Variants in WNT7B observed in about 807,000 individuals in gnomAD.
The protein encoded by WNT7B is protein Wnt-7b.
In WNT7B, 19 loss-of-function variants were observed where a neutral mutation model predicts 38.2. The observed-to-expected ratio is 0.50, with a 90% CI of 0.35 to 0.73. The LOEUF is 0.73. Ranked by LOEUF, WNT7B falls within the 30% of genes least tolerant of loss-of-function variation. The pLI is 0.01. For missense variants in WNT7B, 423 were observed against 507.9 expected (o/e 0.83, Z 1.61); for synonymous variants, 243 against 209.3 (o/e 1.16, Z -1.39).
intron 1 of WNT7B, among the ~76,000 whole-genome samples, chr22:45,954,074 C>T (rs1335311219): frequency 2.0e-5 from 3 of 152,120 alleles, no homozygotes; most frequent in Non-Finnish European, 4.4e-5. Context: ...CATTATGTGG[C>T]CATAAAAACG....
At position 45,976,729 on chromosome 22, in the gene WNT7B, A is replaced by C; in HGVS notation, c.26T>G (p.Ile9Ser). 1 of 1,609,526 alleles carries C rather than the reference A, an allele frequency of 6.2e-7. No individual in the cohort carries two copies. Among genetic ancestry groups the C allele is most frequent in the Non-Finnish European group, 8.5e-7 (1 of 1,177,454 alleles). The change falls in exon 1 of 4, where the codon ATT (isoleucine) becomes AGT (serine). Residue 9 changes from isoleucine (I) to serine (S), a missense_variant. By Grantham distance (142) the Ile-to-Ser change is moderately radical. Around this residue, in one of 3 missense-constraint regions of WNT7B, gnomAD observed 133 missense variants for 179.8 expected, o/e 0.74. Transcript: ENST00000339464. The surrounding 1 kb of genome is among the most constrained non-coding windows in gnomAD (Gnocchi z 8.5). MHRNFRKW[I>S]FYVFLCFGVL... ...GCCAAAGCAGAGAAACACGTAGAAA[A>C]TCCACTTGCGAAAGTTTCTGTGCAT...
intron 2 of WNT7B, among the ~76,000 whole-genome samples, chr22:45,941,411 TGAGCCAGCA>T (rs34228368): frequency 0.023 from 3,513 of 150,670 alleles, 159 homozygotes; most frequent in African/African-American, 0.083. Context: ...CTCGGGAAGC[TGAGCCAGCA>T]GAATCACTTG....
At chr22:45,933,570 G>T (rs559120797) in intron 2 of WNT7B, among the ~76,000 whole-genome samples, 5 of 152,226 alleles carry the variant, frequency 3.3e-5, no homozygotes, top group South Asian at 2.1e-4. Flanking sequence ...GGGGTAGGGG[G>T]AGGGGGCAAT....
intron 1 of WNT7B, chr22:45,972,188 T>C: frequency 1.6e-6 from 1 of 618,332 alleles, no homozygotes; most frequent in Non-Finnish European, 3.0e-6. Context: ...GAGAAAGATC[T>C]GCGGGCAATA....
chr22:45,930,964 C>A, intron 3 of WNT7B, 134 bp downstream of exon 3: 2 of 1,272,808 alleles, frequency 1.6e-6, no homozygotes, highest in Non-Finnish European at 2.1e-6. Context: ...GTGGAGGACC[C>A]AGACGGCCCC....
At chr22:45,939,672 A>ACACACACACACACACAC (rs1477583799) in intron 2 of WNT7B, among the ~76,000 whole-genome samples, 5 of 104,372 alleles carry the variant, frequency 4.8e-5, no homozygotes, top group Admixed American at 3.5e-4. Context: ...CACACACACA[A>ACACACACACACACACAC]AAATAGCCAG....
chr22:45,953,381 C>T (rs578135012), intron 1 of WNT7B, among the ~76,000 whole-genome samples: 74 of 152,348 alleles, frequency 4.9e-4, no homozygotes, highest in Non-Finnish European at 7.6e-4. Flanking sequence ...TGCCCCGCTT[C>T]CCCAGCAGAC....
At chr22:45,925,926 G>T in intron 3 of WNT7B, 1 of 985,246 alleles carries the variant, frequency 1.0e-6, no homozygotes, top group East Asian at 1.1e-4. Flanking sequence ...TCCTGCTGTG[G>T]CCCAGGATGG....
intron 1 of WNT7B, 30 bp from the exon 2 acceptor site, chr22:45,950,176 G>C (rs1312744666): frequency 6.3e-7 from 1 of 1,590,860 alleles, no homozygotes. Flanking sequence ...GAGGCCGTGA[G>C]ACGGCGGCGG....
chr22:45,959,325 C>T (rs987870685), intron 1 of WNT7B, among the ~76,000 whole-genome samples: 21 of 152,184 alleles, frequency 1.4e-4, no homozygotes, highest in African/African-American at 3.6e-4. Context: ...CTTGCACCCC[C>T]ACTTCACATA....
chr22:45,920,438 C>T lies in WNT7B; in HGVS notation c.*2418G>A, dbSNP rs960287583. ...GGCTGCCGTCAGAAGGGTGGGGACG[C>T]AGCACCTTGGTCGCCATCACCCCCA... On this transcript the variant is annotated 3_prime_UTR_variant, in exon 4 of 4. Coordinates refer to ENST00000339464, the MANE Select transcript of WNT7B (RefSeq NM_058238.3). 1 of 152,322 alleles carries T rather than the reference C, an allele frequency of 6.6e-6. No individual in the cohort carries two copies. The highest frequency in any genetic ancestry group is 6.5e-5 in the Admixed American group (1 of 15,294). 9.4% of individuals were successfully genotyped at this position (152,322 alleles called of 1,614,324 possible). A position where few individuals can be genotyped will look rare whatever the true frequency, so the allele number is the denominator to read the frequency against.
In WNT7B at chr22:45,976,484, T is replaced by C. The variant is rs1194580278; in HGVS notation, c.71+200A>G. Among the ~76,000 whole-genome samples, 1 of 151,734 alleles carries C rather than the reference T, an allele frequency of 6.6e-6. No individual in the cohort carries two copies. The highest frequency in any genetic ancestry group is 3.2e-3 in the Middle Eastern group (1 of 314). On this transcript the variant is annotated intron_variant, in intron 1 of 3. Coordinates refer to ENST00000339464, the MANE Select transcript of WNT7B (RefSeq NM_058238.3). This position sits in a 1 kb window ranked among gnomAD's most constrained non-coding sequence, Gnocchi z 8.5. ...CGCTCTCTCTCCTCCCGCGCTGGGC[T>C]CGGCGCCTCTCGGGAGCTCAGGGGG... is the stretch of plus-strand genomic sequence containing the variant.
At chr22:45,949,408 C>T (rs984405056) in intron 2 of WNT7B, among the ~76,000 whole-genome samples, 1 of 148,620 alleles carries the variant, frequency 6.7e-6, no homozygotes, top group Non-Finnish European at 1.5e-5. Flanking sequence ...ACAGTTCACT[C>T]GGCTCCCTCT....
chr22:45,958,322 C>G (rs1400776109), intron 1 of WNT7B, among the ~76,000 whole-genome samples: 2 of 152,186 alleles, frequency 1.3e-5, no homozygotes, highest in Admixed American at 6.5e-5. Context: ...TCTTGGGTAC[C>G]CTGAGCCCAG....
chr22:45,944,048 G>A (rs377401992), intron 2 of WNT7B, among the ~76,000 whole-genome samples: 1 of 152,126 alleles, frequency 6.6e-6, no homozygotes, highest in Non-Finnish European at 1.5e-5. Context: ...CCCCCACCTC[G>A]GCCCCTCATG....
intron 1 of WNT7B, among the ~76,000 whole-genome samples, chr22:45,967,614 A>C (rs1477225603): frequency 6.6e-6 from 1 of 151,464 alleles, no homozygotes; most frequent in African/African-American, 2.4e-5. Flanking sequence ...TCCTCCGAGA[A>C]CAGAGCCTTG....
In WNT7B at chr22:45,976,800, G is replaced by T; in HGVS notation, c.-46C>A. The T allele has an allele frequency of 6.4e-7, 1 of 1,561,004 alleles. No homozygotes were observed. Among genetic ancestry groups the T allele is most frequent in the Non-Finnish European group, 8.7e-7 (1 of 1,149,368 alleles). On this transcript the variant is annotated 5_prime_UTR_variant, in exon 1 of 4. Transcript: ENST00000339464. This position sits in a 1 kb window ranked among gnomAD's most constrained non-coding sequence, Gnocchi z 8.5. Reference sequence around the variant, plus strand: ...GCCATAGACAGCGGCGGCCGGAGGGGACGCGCGGGCCCGGCAGGGCCGGGC... The same window carrying T: ...GCCATAGACAGCGGCGGCCGGAGGGTACGCGCGGGCCCGGCAGGGCCGGGC...
chr22:45,942,498 G>A (rs571140718), intron 2 of WNT7B, among the ~76,000 whole-genome samples: 4 of 152,362 alleles, frequency 2.6e-5, no homozygotes, highest in Admixed American at 2.6e-4. Flanking sequence ...TCCAGGCCAC[G>A]GCTTGGCCCC....
intron 3 of WNT7B, chr22:45,927,358 CAGGGCG>C: frequency 6.8e-7 from 1 of 1,477,390 alleles, no homozygotes; most frequent in African/African-American, 1.4e-5. Context: ...GAAGTGGGGG[CAGGGCG>C]GGGGCGGGCC....
Sources: gnomAD v4.1 joint callset for allele counts (sites outside exome capture counted in the v4.1 genomes callset) on GRCh38, gnomAD v4.1.1 for gene constraint, gnomAD v4.1.1 regional missense constraint, Gnocchi (gnomAD v3.1) non-coding constraint, MANE v1.5 for transcripts, NCBI Gene and HGNC (gene_info 2026-07-23, HGNC 2026-07-21) for gene names.